The following PPARGC1A variants were observed in gnomAD, a reference collection of about 807,000 sequenced individuals.
The protein encoded by PPARGC1A is peroxisome proliferator-activated receptor gamma coactivator 1-alpha.
PPARGC1A carries 25 observed loss-of-function variants against 88.7 expected under a neutral mutation model. That is an observed-to-expected ratio of 0.28 (90% CI 0.21 to 0.39). The LOEUF (loss-of-function observed/expected upper bound fraction) is 0.39, where lower values mean the gene tolerates loss of function less well. Among genes scored for constraint, PPARGC1A ranks in the 10% least tolerant of loss-of-function variants. The pLI is 1.00. For missense variants in PPARGC1A, 880 were observed against 968.7 expected (o/e 0.91, Z 1.22); for synonymous variants, 363 against 355.6 (o/e 1.02, Z -0.24).
chr4:23,818,011 T>TC (rs1046897265), intron 7 of PPARGC1A, among the ~76,000 whole-genome samples: 1 of 152,088 alleles, frequency 6.6e-6, no homozygotes, highest in African/African-American at 2.4e-5. Context: ...CCCACAACTT[T>TC]CCCCCCTGAA....
At chr4:23,911,145 A>G in the PPARGC1A span, among the ~76,000 whole-genome samples, 1 of 152,146 alleles carries the variant, frequency 6.6e-6, no homozygotes, top group Non-Finnish European at 1.5e-5. Flanking sequence ...GTGAAATGCA[A>G]CAGAGAAACC....
chr4:24,026,981 T>C, the PPARGC1A span, among the ~76,000 whole-genome samples: 1 of 152,124 alleles, frequency 6.6e-6, no homozygotes, highest in Non-Finnish European at 1.5e-5. Context: ...GCCATTCACA[T>C]AATGGCTATT....
the PPARGC1A span, among the ~76,000 whole-genome samples, chr4:24,002,436 A>G: frequency 2.6e-5 from 4 of 152,168 alleles, no homozygotes; most frequent in Middle Eastern, 3.4e-3. Flanking sequence ...ACACCTCTCT[A>G]TGCTTTAAAA....
the PPARGC1A span, among the ~76,000 whole-genome samples, chr4:23,955,599 A>C: frequency 6.6e-6 from 1 of 152,080 alleles, no homozygotes; most frequent in Admixed American, 6.6e-5. Context: ...GGTGAAAAAC[A>C]CACAGGATTA....
the PPARGC1A span, among the ~76,000 whole-genome samples, chr4:24,202,603 T>C: frequency 3.8e-4 from 58 of 152,292 alleles, no homozygotes; most frequent in African/African-American, 1.4e-3. Context: ...CAAAGCATTG[T>C]GGCAAAAGGT....
the PPARGC1A span, among the ~76,000 whole-genome samples, chr4:23,947,943 A>C: frequency 6.6e-6 from 1 of 152,168 alleles, no homozygotes; most frequent in Admixed American, 6.6e-5. Flanking sequence ...AAGTGGGGAC[A>C]TGAAAGCCCA....
chr4:23,922,071 T>C, the PPARGC1A span, among the ~76,000 whole-genome samples: 3 of 152,356 alleles, frequency 2.0e-5, no homozygotes, highest in South Asian at 6.2e-4. Context: ...AATGCCCAGA[T>C]AATCAGAGAT....
chr4:23,950,354 A>T, the PPARGC1A span, among the ~76,000 whole-genome samples: 9 of 152,122 alleles, frequency 5.9e-5, no homozygotes, highest in African/African-American at 1.9e-4. Flanking sequence ...AACTCCTGGT[A>T]AATTGACAAA....
chr4:24,260,343 G>A, the PPARGC1A span, among the ~76,000 whole-genome samples: 1 of 152,190 alleles, frequency 6.6e-6, no homozygotes, highest in Non-Finnish European at 1.5e-5. Flanking sequence ...TGCAAAGAAA[G>A]ATGCCACATC....
the PPARGC1A span, among the ~76,000 whole-genome samples, chr4:24,224,153 G>T: frequency 1.3e-5 from 2 of 152,234 alleles, no homozygotes; most frequent in Non-Finnish European, 2.9e-5. Context: ...GGGGGCTGCA[G>T]TGGGTTGGGA....
the PPARGC1A span, among the ~76,000 whole-genome samples, chr4:24,312,028 C>T: frequency 6.6e-6 from 1 of 152,190 alleles, no homozygotes. Flanking sequence ...CCTTTGCATC[C>T]TTCACTCGTC....
At chr4:24,288,231 C>T in the PPARGC1A span, among the ~76,000 whole-genome samples, 12 of 152,210 alleles carry the variant, frequency 7.9e-5, no homozygotes, top group African/African-American at 2.9e-4. Context: ...CTGACCACTC[C>T]TCAGTCTCCC....
At chr4:23,854,555 C>A (rs940632675) in intron 2 of PPARGC1A, among the ~76,000 whole-genome samples, 3 of 152,150 alleles carry the variant, frequency 2.0e-5, no homozygotes, top group African/African-American at 7.2e-5. Flanking sequence ...AACAGTTCCA[C>A]AGACTTGGCC....
At chr4:24,097,250 T>C in the PPARGC1A span, among the ~76,000 whole-genome samples, 1 of 152,100 alleles carries the variant, frequency 6.6e-6, no homozygotes, top group Non-Finnish European at 1.5e-5. Flanking sequence ...AAATATTCAA[T>C]CTAGAGGAGA....
At chr4:24,021,826 G>A in the PPARGC1A span, among the ~76,000 whole-genome samples, 4 of 152,190 alleles carry the variant, frequency 2.6e-5, no homozygotes, top group Non-Finnish European at 5.9e-5. Flanking sequence ...ACTAGCATTA[G>A]CATCCCTGTC....
chr4:23,916,837 TCA>T, the PPARGC1A span, among the ~76,000 whole-genome samples: 1 of 152,220 alleles, frequency 6.6e-6, no homozygotes, highest in African/African-American at 2.4e-5. Context: ...AGGTCTTCTC[TCA>T]CTATTTCTTT....
chr4:24,424,258 C>CATTTTT, the PPARGC1A span, among the ~76,000 whole-genome samples: 1 of 44,314 alleles, frequency 2.3e-5, no homozygotes, highest in Non-Finnish European at 3.7e-5. Context: ...TATACACACA[C>CATTTTT]TTTTTTTTTT....
chr4:24,324,561 C>G, the PPARGC1A span, among the ~76,000 whole-genome samples: 14 of 152,214 alleles, frequency 9.2e-5, no homozygotes, highest in Admixed American at 5.2e-4. Flanking sequence ...CAACTCACAC[C>G]TGACCTAAAA....
At chr4:24,429,651 ATTTTTTTTT>A in the PPARGC1A span, among the ~76,000 whole-genome samples, 1,783 of 132,250 alleles carry the variant, frequency 0.013, 52 homozygotes, top group East Asian at 0.12. Context: ...GACAGTGAGA[ATTTTTTTTT>A]TTTTTTTTTT....
Sources: allele counts gnomAD v4.1 joint callset (sites outside exome capture counted in the v4.1 genomes callset), GRCh38; gene constraint gnomAD v4.1.1; transcripts MANE v1.5; gene names NCBI Gene and HGNC (gene_info 2026-07-23, HGNC 2026-07-21).